The following AZIN2 variants were observed in gnomAD, a reference collection of about 807,000 sequenced individuals.
The protein encoded by AZIN2 is ODC antizyme inhibitor-2.
AZIN2 carries 28 observed loss-of-function variants against 47.8 expected under a neutral mutation model. The observed-to-expected ratio is 0.59, with a 90% CI of 0.43 to 0.80. The LOEUF is 0.80. Ranked by LOEUF, AZIN2 falls within the 30% of genes least tolerant of loss-of-function variation. AZIN2 has a pLI of 0.00. For synonymous variants in AZIN2, 221 were observed against 239.4 expected (o/e 0.92, Z 0.71); for missense variants, 535 against 582.5 (o/e 0.92, Z 0.84).
At chr1:33,111,533 G>A (rs1557716317) in intron 10 of AZIN2, among the ~76,000 whole-genome samples, 3 of 152,036 alleles carry the variant, frequency 2.0e-5, no homozygotes, top group African/African-American at 2.4e-5. Context: ...AAATAGACCA[G>A]CTGAGGCAAA....
At chr1:33,152,334 G>A in the AZIN2 span, among the ~76,000 whole-genome samples, 1 of 152,202 alleles carries the variant, frequency 6.6e-6, no homozygotes, top group Non-Finnish European at 1.5e-5. Flanking sequence ...GGGAGGCCGA[G>A]GCAGGCGGAT....
At chr1:33,110,225 C>G (rs4045751) in intron 10 of AZIN2, among the ~76,000 whole-genome samples, 5 of 152,192 alleles carry the variant, frequency 3.3e-5, no homozygotes, top group Admixed American at 6.5e-5. Context: ...TTCACATTAA[C>G]TATGGTCTGA....
Position 33,113,651 on chromosome 1 carries a change from T to C in AZIN2, c.1030-4251T>C, listed in dbSNP as rs1034601063. Among the ~76,000 whole-genome samples, 2 of 152,242 alleles carry C rather than the reference T, an allele frequency of 1.3e-5. No individual in the cohort carries two copies. Among genetic ancestry groups the C allele is most frequent in the Non-Finnish European group, 2.9e-5 (2 of 68,034 alleles). ...ATGGGTTTGAGACCTGGCTCTGCCA[T>C]AGACCAGCTGAGTAACCTTAGGCAA... On this transcript the variant is annotated intron_variant, in intron 10 of 11. Coordinates refer to ENST00000294517, the MANE Select transcript of AZIN2 (RefSeq NM_052998.4). This position sits in a 1 kb window ranked among gnomAD's most constrained non-coding sequence, Gnocchi z 4.1.
chr1:33,162,695 G>A, the AZIN2 span, among the ~76,000 whole-genome samples: 2 of 152,166 alleles, frequency 1.3e-5, no homozygotes, highest in Non-Finnish European at 2.9e-5. Context: ...GGAGGGAAAG[G>A]GGGGAAGGCA....
At chr1:33,165,706 AC>A in the AZIN2 span, 1 of 610,292 alleles carries the variant, frequency 1.6e-6, no homozygotes, top group Non-Finnish European at 2.7e-6. The surrounding 1 kb of genome is among the most constrained non-coding windows in gnomAD (Gnocchi z 4.0). Flanking sequence ...CAGTTCAACC[AC>A]CAGCAAGTCC....
At chr1:33,147,196 A>G in the AZIN2 span, 1 of 1,613,638 alleles carries the variant, frequency 6.2e-7, no homozygotes, top group Non-Finnish European at 8.5e-7. This position sits in a 1 kb window ranked among gnomAD's most constrained non-coding sequence, Gnocchi z 8.1. Context: ...GACGGTGTTG[A>G]TCCGCAGCGG....
chr1:33,090,371 C>T (rs1389166672), intron 5 of AZIN2, among the ~76,000 whole-genome samples: 2 of 152,188 alleles, frequency 1.3e-5, no homozygotes, highest in African/African-American at 4.8e-5. Context: ...TTGTTCATAT[C>T]ATTAATGCAG....
Position 33,122,417 on chromosome 1 carries a change from C to G in AZIN2, c.*2235C>G, listed in dbSNP as rs1463129753. The stretch of plus-strand genomic sequence containing the variant: ...GAAATTTACTTTTCCAAGAAAGATA[C>G]ACGCAGAACTTGATGTGGCTTACTT... On this transcript the variant is annotated 3_prime_UTR_variant, in exon 12 of 12. Coordinates refer to ENST00000294517, the MANE Select transcript of AZIN2 (RefSeq NM_052998.4). Among the ~76,000 whole-genome samples the G allele has an allele frequency of 6.6e-6, 1 of 152,004 alleles. No individual in the cohort carries two copies. Among genetic ancestry groups the G allele is most frequent in the African/African-American group, 2.4e-5 (1 of 41,426 alleles).
At chr1:33,107,111 AC>A (rs1644044220) in intron 10 of AZIN2, among the ~76,000 whole-genome samples, 1 of 142,844 alleles carries the variant, frequency 7.0e-6, no homozygotes, top group Non-Finnish European at 1.5e-5. Flanking sequence ...ATGTGGTGAA[AC>A]CCTGTCTACT....
At chr1:33,165,472 T>C in the AZIN2 span, 9 of 1,599,202 alleles carry the variant, frequency 5.6e-6, no homozygotes, top group South Asian at 3.4e-5. This position sits in a 1 kb window ranked among gnomAD's most constrained non-coding sequence, Gnocchi z 4.0. Context: ...CAGGCTCACC[T>C]TGGTCTCCGC....
At chr1:33,093,009 G>A (rs1642742658) in intron 6 of AZIN2, among the ~76,000 whole-genome samples, 1 of 152,236 alleles carries the variant, frequency 6.6e-6, no homozygotes, top group Non-Finnish European at 1.5e-5. Context: ...TCTAACTGGT[G>A]TGGAGACTGA....
the AZIN2 span, among the ~76,000 whole-genome samples, chr1:33,135,940 C>A: frequency 3.3e-5 from 5 of 151,342 alleles, no homozygotes; most frequent in Admixed American, 6.6e-5. Flanking sequence ...AGCCCTCCCT[C>A]CCCACCCTGC....
At chr1:33,123,694 C>T (rs1230074023), downstream of AZIN2, among the ~76,000 whole-genome samples, 1 of 152,138 alleles carries the variant, frequency 6.6e-6, no homozygotes, top group Non-Finnish European at 1.5e-5. Context: ...GAAACTCCAT[C>T]TCTACTAAAG....
the AZIN2 span, among the ~76,000 whole-genome samples, chr1:33,154,458 C>T: frequency 1.3e-5 from 2 of 151,946 alleles, no homozygotes; most frequent in African/African-American, 4.8e-5. Context: ...TTATCTTGCT[C>T]AGCTATATGG....
chr1:33,152,364 G>A, the AZIN2 span, among the ~76,000 whole-genome samples: 2 of 152,164 alleles, frequency 1.3e-5, no homozygotes, highest in Non-Finnish European at 2.9e-5. Flanking sequence ...TCCGGAGTTC[G>A]AGATCAGCCT....
chr1:33,133,386 G>T, the AZIN2 span, among the ~76,000 whole-genome samples: 138 of 152,374 alleles, frequency 9.1e-4, no homozygotes, highest in Non-Finnish European at 1.8e-3. Context: ...TTTCCTGGGT[G>T]TTTTGCACAA....
chr1:33,112,097 G>GA (rs1479425751), intron 10 of AZIN2, among the ~76,000 whole-genome samples: 1 of 152,148 alleles, frequency 6.6e-6, no homozygotes, highest in Non-Finnish European at 1.5e-5. Context: ...AACTAGATTA[G>GA]AAAAACATTA....
chr1:33,126,627 G>C (rs1644858349), downstream of AZIN2, among the ~76,000 whole-genome samples: 1 of 152,050 alleles, frequency 6.6e-6, no homozygotes, highest in Non-Finnish European at 1.5e-5. Context: ...CATGAGCTGG[G>C]GGCCTTTAAA....
In AZIN2 at chr1:33,081,696, A is replaced by G. The variant is rs1641272117; in HGVS notation, c.-189A>G. On this transcript the variant is annotated 5_prime_UTR_variant, in exon 3 of 12. Transcript: ENST00000294517. The surrounding 1 kb of genome is among the most constrained non-coding windows in gnomAD (Gnocchi z 4.2). ...CCAGCCCCCATTTACAATTGGGGAAACTGCGGCTCCGAAAGGGTCAGAGGG... is the reference window on the plus strand; with the variant it reads ...CCAGCCCCCATTTACAATTGGGGAAGCTGCGGCTCCGAAAGGGTCAGAGGG... The G allele has an allele frequency of 5.8e-6, 1 of 171,882 alleles. No homozygotes were observed. Among genetic ancestry groups the G allele is most frequent in the Non-Finnish European group, 1.3e-5 (1 of 78,544 alleles). 10.6% of individuals were successfully genotyped at this position (171,882 alleles called of 1,614,324 possible). A position where few individuals can be genotyped will look rare whatever the true frequency, so the allele number is the denominator to read the frequency against.
Sources: gnomAD v4.1 joint callset for allele counts (sites outside exome capture counted in the v4.1 genomes callset) on GRCh38, gnomAD v4.1.1 for gene constraint, Gnocchi (gnomAD v3.1) non-coding constraint, MANE v1.5 for transcripts, NCBI Gene and HGNC (gene_info 2026-07-23, HGNC 2026-07-21) for gene names.